The following CNTN4 variants were observed in gnomAD, a reference collection of about 807,000 sequenced individuals.
CNTN4 encodes contactin-4.
Under a neutral mutation model 122.5 loss-of-function variants are expected in CNTN4, and 77 were observed. The ratio of observed to expected loss-of-function variants is 0.63; its 90% CI spans 0.52 to 0.76. CNTN4 has a LOEUF of 0.76. Among genes scored for constraint, CNTN4 ranks in the 30% least tolerant of loss-of-function variants. The pLI is 0.00. For synonymous variants in CNTN4, 512 were observed against 447.0 expected (o/e 1.15, Z -1.83); for missense variants, 1,256 against 1,259.1 (o/e 1.00, Z 0.04).
At chr3:2,801,411 A>C (rs1011632456) in intron 6 of CNTN4, among the ~76,000 whole-genome samples, 6 of 152,230 alleles carry the variant, frequency 3.9e-5, no homozygotes, top group Non-Finnish European at 5.9e-5. Context: ...TCCAATTAAC[A>C]CTAATCAAGA....
At chr3:2,318,809 T>A (rs1269588658) in intron 2 of CNTN4, among the ~76,000 whole-genome samples, 1 of 152,144 alleles carries the variant, frequency 6.6e-6, no homozygotes, top group African/African-American at 2.4e-5. Context: ...CTGGCTATTA[T>A]TATTATTTTT....
At chr3:2,395,777 C>A (rs1207971588) in intron 3 of CNTN4, among the ~76,000 whole-genome samples, 1 of 152,062 alleles carries the variant, frequency 6.6e-6, no homozygotes, top group African/African-American at 2.4e-5. Flanking sequence ...TGATGTCATT[C>A]CTTTTTATGG....
chr3:2,565,818 T>C (rs968780816), intron 3 of CNTN4, among the ~76,000 whole-genome samples: 1 of 152,206 alleles, frequency 6.6e-6, no homozygotes, highest in African/African-American at 2.4e-5. Flanking sequence ...TGTGATTGAC[T>C]GCACCCCTCA....
chr3:2,425,015 T>A (rs2047766491), intron 3 of CNTN4, among the ~76,000 whole-genome samples: 1 of 152,200 alleles, frequency 6.6e-6, no homozygotes, highest in Admixed American at 6.5e-5. Context: ...TCCCATTCTG[T>A]AGGTTGCCTG....
intron 3 of CNTN4, among the ~76,000 whole-genome samples, chr3:2,534,075 T>A (rs1276664628): frequency 3.9e-5 from 6 of 152,108 alleles, no homozygotes; most frequent in African/African-American, 7.2e-5. Flanking sequence ...CTCTGATGGT[T>A]GTTTCTTTTG....
At chr3:2,331,577 G>C (rs2043722683) in intron 2 of CNTN4, among the ~76,000 whole-genome samples, 1 of 152,148 alleles carries the variant, frequency 6.6e-6, no homozygotes, top group Admixed American at 6.5e-5. Flanking sequence ...GGTAAATGAA[G>C]TGCACCTGAT....
At chr3:2,964,517 A>G (rs935488033) in intron 13 of CNTN4, among the ~76,000 whole-genome samples, 7 of 152,146 alleles carry the variant, frequency 4.6e-5, no homozygotes, top group African/African-American at 1.7e-4. Flanking sequence ...GGAGCATATA[A>G]ATCACCTAAG....
chr3:2,890,801 T>G (rs950162162), intron 10 of CNTN4, among the ~76,000 whole-genome samples: 6 of 152,176 alleles, frequency 3.9e-5, no homozygotes, highest in Non-Finnish European at 7.3e-5. Context: ...TAGAACATTT[T>G]TACCCTACCC....
Position 2,988,489 on chromosome 3 carries a change from A to C in CNTN4, c.1486+17A>C. 1 of 1,613,444 alleles carries C rather than the reference A, an allele frequency of 6.2e-7. No individual in the cohort carries two copies. The highest frequency in any genetic ancestry group is 8.5e-7 in the Non-Finnish European group (1 of 1,179,464). The stretch of plus-strand genomic sequence containing the variant: ...TAGTGAAAGGTAATGGCTAACCCAA[A>C]GAATTCGAATATTTATATATGTGTC... On this transcript the variant is annotated intron_variant, in intron 14 of 24. Transcript: ENST00000418658.
At chr3:2,921,382 C>G (rs1189297366) in intron 12 of CNTN4, among the ~76,000 whole-genome samples, 2 of 152,152 alleles carry the variant, frequency 1.3e-5, no homozygotes, top group Non-Finnish European at 2.9e-5. Flanking sequence ...AACAGTGGAC[C>G]TAGAAAGAAG....
At chr3:2,103,419 C>A (rs2032160156) in intron 2 of CNTN4, among the ~76,000 whole-genome samples, 1 of 152,202 alleles carries the variant, frequency 6.6e-6, no homozygotes, top group Admixed American at 6.5e-5. Context: ...ACACACCCTT[C>A]ACCACTACAA....
intron 2 of CNTN4, among the ~76,000 whole-genome samples, chr3:2,116,444 A>C (rs2033358754): frequency 6.6e-6 from 1 of 152,140 alleles, no homozygotes; most frequent in Non-Finnish European, 1.5e-5. Context: ...CTTTGGAAGA[A>C]AATAAAATTT....
At chr3:2,622,797 T>C (rs548701245) in intron 4 of CNTN4, among the ~76,000 whole-genome samples, 2 of 152,298 alleles carry the variant, frequency 1.3e-5, no homozygotes, top group African/African-American at 4.8e-5. Context: ...GATAAGTAGA[T>C]ATTTCATGCA....
At chr3:2,435,845 T>C (rs1166480415) in intron 3 of CNTN4, among the ~76,000 whole-genome samples, 1 of 152,184 alleles carries the variant, frequency 6.6e-6, no homozygotes, top group Non-Finnish European at 1.5e-5. Flanking sequence ...TTTACTCTTA[T>C]TTTCTTCCCA....
chr3:2,154,142 T>C (rs898730342), intron 2 of CNTN4, among the ~76,000 whole-genome samples: 9 of 152,070 alleles, frequency 5.9e-5, no homozygotes, highest in African/African-American at 2.2e-4. Context: ...CCCAGCAATT[T>C]AGGAGGCCAA....
intron 2 of CNTN4, among the ~76,000 whole-genome samples, chr3:2,117,806 C>T (rs1270638713): frequency 3.3e-5 from 5 of 152,060 alleles, no homozygotes; most frequent in South Asian, 4.1e-4. Flanking sequence ...ACCACAGATG[C>T]GATGTAATGT....
intron 3 of CNTN4, among the ~76,000 whole-genome samples, chr3:2,476,352 A>G (rs1575718603): frequency 6.6e-6 from 1 of 152,186 alleles, no homozygotes; most frequent in East Asian, 1.9e-4. Flanking sequence ...TGTTTCTCTA[A>G]AAGTTTCACA....
intron 3 of CNTN4, among the ~76,000 whole-genome samples, chr3:2,510,426 A>C (rs1483158258): frequency 6.7e-6 from 1 of 149,754 alleles, no homozygotes; most frequent in Non-Finnish European, 1.5e-5. Context: ...GAGGATTAGA[A>C]CTCAGATTTC....
rs565132923 is a variant in CNTN4, at chr3:2,920,277, G to C, written c.1208-5352G>C. Among the ~76,000 whole-genome samples the C allele has an allele frequency of 3.1e-4, 29 of 92,866 alleles. 3 individuals are homozygous for C. In the East Asian group the frequency reaches 7.8e-3, roughly 25 times the overall value. The allele number at this position is 92,866 out of a possible 152,430, so 60.9% of individuals were successfully genotyped here. A position where few individuals can be genotyped will look rare whatever the true frequency, so the allele number is the denominator to read the frequency against. On this transcript the variant is annotated intron_variant, in intron 12 of 24. Coordinates refer to ENST00000418658, the MANE Select transcript of CNTN4 (RefSeq NM_175607.3). ...AAACTATAGTAATGGGAAGAGGTCA[G>C]TGGTTTCCAGGAGTTACAGAGGGGA...
Sources: allele counts gnomAD v4.1 joint callset (sites outside exome capture counted in the v4.1 genomes callset), GRCh38; gene constraint gnomAD v4.1.1; transcripts MANE v1.5; gene names NCBI Gene and HGNC (gene_info 2026-07-23, HGNC 2026-07-21).